The following TMCC2 variants were observed in gnomAD, a reference collection of about 807,000 sequenced individuals.
The protein encoded by TMCC2 is transmembrane and coiled-coil domains protein 2.
In TMCC2, 16 loss-of-function variants were observed where a neutral mutation model predicts 49.4. The ratio of observed to expected loss-of-function variants is 0.32; its 90% CI spans 0.22 to 0.49. TMCC2 has a LOEUF of 0.49. TMCC2 is among the 20% of genes least tolerant of loss of function. The probability of loss-of-function intolerance (pLI) is 0.99; values close to 1 mark genes in which losing one functional copy is unlikely to be tolerated. For missense variants in TMCC2, 762 were observed against 989.8 expected, an observed-to-expected ratio of 0.77 and a Z score of 3.09; for synonymous variants, 397 against 434.1, an observed-to-expected ratio of 0.91 and a Z score of 1.06.
At position 205,264,315 on chromosome 1, in the gene TMCC2, G is replaced by T. The variant is rs796882963; in HGVS notation, c.748-4635G>T. On this transcript the variant is annotated intron_variant, in intron 2 of 4. Transcript: ENST00000358024. The surrounding 1 kb of genome is among the most constrained non-coding windows in gnomAD (Gnocchi z 4.2). ...AAATAGTGTGACACTGTTGTTTCTT[G>T]TTTTTTGTTTTTTGTTTTTGTTTTT... is the stretch of plus-strand genomic sequence containing the variant. Among the ~76,000 whole-genome samples, 11 of 152,174 alleles carry T rather than the reference G, an allele frequency of 7.2e-5. No homozygotes were observed. Among genetic ancestry groups the T allele is most frequent in the African/African-American group, 2.6e-4 (11 of 41,510 alleles).
chr1:205,243,425 G>T (rs1054144861), intron 2 of TMCC2, among the ~76,000 whole-genome samples: 1 of 152,192 alleles, frequency 6.6e-6, no homozygotes, highest in Non-Finnish European at 1.5e-5. Context: ...AGTAGATTGG[G>T]AAGGGAGTGC....
chr1:205,232,975 C>A (rs1475850125), intron 1 of TMCC2, among the ~76,000 whole-genome samples: 4 of 111,804 alleles, frequency 3.6e-5, no homozygotes, highest in South Asian at 3.1e-4. Context: ...AAAAAACACA[C>A]ACACAAAAAA....
chr1:205,249,275 C>T (rs1574846282), intron 2 of TMCC2, among the ~76,000 whole-genome samples: 1 of 152,232 alleles, frequency 6.6e-6, no homozygotes, highest in Non-Finnish European at 1.5e-5. Context: ...TCTCCGTCCA[C>T]TCCCACACCA....
At chr1:205,242,905 A>C (rs1262589271) in intron 2 of TMCC2, among the ~76,000 whole-genome samples, 1 of 152,196 alleles carries the variant, frequency 6.6e-6, no homozygotes, top group East Asian at 1.9e-4. Context: ...AAAGCACACA[A>C]GCTGGTGCTA....
At chr1:205,232,707 G>T (rs1659848438) in intron 1 of TMCC2, among the ~76,000 whole-genome samples, 1 of 152,026 alleles carries the variant, frequency 6.6e-6, no homozygotes, top group Non-Finnish European at 1.5e-5. Flanking sequence ...GGCCGAGGTT[G>T]GTGGATCACT....
At chr1:205,248,374 A>G (rs1244504907) in intron 2 of TMCC2, among the ~76,000 whole-genome samples, 1 of 152,134 alleles carries the variant, frequency 6.6e-6, no homozygotes, top group African/African-American at 2.4e-5. Context: ...GCACCACTGC[A>G]CTCCAGCCTG....
intron 4 of TMCC2, 80 bp downstream of exon 4, chr1:205,271,335 G>T (rs775625584): frequency 3.1e-6 from 5 of 1,608,036 alleles, no homozygotes; most frequent in Non-Finnish European, 3.4e-6. Context: ...TTCTTGTCAC[G>T]TGGGGCATGA....
intron 2 of TMCC2, among the ~76,000 whole-genome samples, chr1:205,267,160 G>A (rs1369447106): frequency 6.6e-6 from 1 of 152,184 alleles, no homozygotes; most frequent in South Asian, 2.1e-4. Flanking sequence ...AGTGATTAGG[G>A]ATGGGGTTGT....
intron 2 of TMCC2, among the ~76,000 whole-genome samples, chr1:205,261,608 C>T (rs1241608576): frequency 6.6e-6 from 1 of 151,482 alleles, no homozygotes; most frequent in South Asian, 2.1e-4. Flanking sequence ...AAGCCTGGGA[C>T]GTCGAGACTA....
At chr1:205,254,574 TC>T (rs1343730061) in intron 2 of TMCC2, among the ~76,000 whole-genome samples, 2 of 152,224 alleles carry the variant, frequency 1.3e-5, no homozygotes, top group African/African-American at 4.8e-5. Flanking sequence ...TTGCTACTTT[TC>T]TCCTAGTGAA....
intron 2 of TMCC2, among the ~76,000 whole-genome samples, chr1:205,247,744 T>TA (rs1660506157): frequency 6.6e-6 from 1 of 152,062 alleles, no homozygotes; most frequent in Non-Finnish European, 1.5e-5. Flanking sequence ...TTTTAATTCA[T>TA]AAGCCTCCCC....
At chr1:205,271,016 G>C (rs1481977689) in intron 3 of TMCC2, 104 bp from the exon 4 acceptor site, 3 of 1,482,614 alleles carry the variant, frequency 2.0e-6, no homozygotes, top group Non-Finnish European at 1.8e-6. Context: ...GGACACGGGG[G>C]ATGGGCTGAG....
In TMCC2 at chr1:205,269,582, A is replaced by T. The variant is rs369061058; in HGVS notation, c.1380A>T (p.Ala460=). 6.2e-7 allele frequency: 1 copy of T among 1,613,708 alleles called. No individual in the cohort carries two copies. The highest frequency in any genetic ancestry group is 8.5e-7 in the Non-Finnish European group (1 of 1,179,970). ...GGCCCCCTGAGGAGGCAGCCCGGGC[A>T]CTGAGCGGCAGTGCCACACTCGTCT... ...EDGPPEEAAR[A]LSGSATLVSS... is the part of the protein sequence containing the mutation. The change falls in exon 3 of 5, where the codon GCA becomes GCT. Residue 460 remains alanine, a synonymous_variant. Coordinates refer to ENST00000358024, the MANE Select transcript of TMCC2 (RefSeq NM_014858.4).
At chr1:205,259,957 G>A (rs1479549793) in intron 2 of TMCC2, among the ~76,000 whole-genome samples, 3 of 152,186 alleles carry the variant, frequency 2.0e-5, no homozygotes, top group African/African-American at 7.2e-5. Flanking sequence ...TCCCAGCTCT[G>A]GCTTATCCAG....
At chr1:205,231,392 G>T (rs1574823637) in intron 1 of TMCC2, among the ~76,000 whole-genome samples, 1 of 152,184 alleles carries the variant, frequency 6.6e-6, no homozygotes, top group East Asian at 1.9e-4. Context: ...AAACTCCCAG[G>T]CTCAAGTGAC....
chr1:205,229,549 GGGGGGGGGGTGGTGGCGGGGGC>G, intron 1 of TMCC2: 1 of 629,424 alleles, frequency 1.6e-6, no homozygotes, highest in Non-Finnish European at 1.9e-6. Context: ...AAGGGGCGGG[GGGGGGGGGGTGGTGGCGGGGGC>G]GGGGGGGGAA....
At chr1:205,254,325 C>A (rs1056890581) in intron 2 of TMCC2, among the ~76,000 whole-genome samples, 1 of 152,202 alleles carries the variant, frequency 6.6e-6, no homozygotes, top group Non-Finnish European at 1.5e-5. Context: ...AGTCTCAGCG[C>A]CTACAGTGAC....
intron 1 of TMCC2, among the ~76,000 whole-genome samples, chr1:205,236,310 G>A (rs1320895664): frequency 6.6e-6 from 1 of 152,198 alleles, no homozygotes; most frequent in Non-Finnish European, 1.5e-5. Flanking sequence ...ATAATAGAGT[G>A]AGAAGAGGGT....
intron 2 of TMCC2, among the ~76,000 whole-genome samples, chr1:205,262,087 C>A (rs936463297): frequency 1.3e-5 from 2 of 152,168 alleles, no homozygotes; most frequent in African/African-American, 4.8e-5. Context: ...ACCTTGGTTG[C>A]CCTCTCTCCA....
Sources: gnomAD v4.1 joint callset for allele counts (sites outside exome capture counted in the v4.1 genomes callset) on GRCh38, gnomAD v4.1.1 for gene constraint, Gnocchi (gnomAD v3.1) non-coding constraint, MANE v1.5 for transcripts, NCBI Gene and HGNC (gene_info 2026-07-23, HGNC 2026-07-21) for gene names.